The following MUC12 variants were observed in gnomAD, a reference collection of about 807,000 sequenced individuals.
MUC12 encodes the protein mucin-12.
Under a neutral mutation model 230.8 loss-of-function variants are expected in MUC12, and 172 were observed. That is an observed-to-expected ratio of 0.75 (90% CI 0.66 to 0.85). MUC12 has a LOEUF of 0.85. MUC12 is among the 40% of genes least tolerant of loss of function. The probability of loss-of-function intolerance (pLI) is 0.00; values close to 1 mark genes in which losing one functional copy is unlikely to be tolerated. For synonymous variants in MUC12, 1,259 were observed against 2,401.9 expected, an observed-to-expected ratio of 0.52 and a Z score of 13.91; for missense variants, 3,506 against 5,920.6, an observed-to-expected ratio of 0.59 and a Z score of 13.38.
Position 101,003,384 on chromosome 7 carries a change from C to A in MUC12, c.12821C>A (p.Thr4274Asn), listed in dbSNP as rs766656217. 6.6e-7 allele frequency: 1 copy of A among 1,524,296 alleles called. No homozygotes were observed. The highest frequency in any genetic ancestry group is 1.7e-4 in the Middle Eastern group (1 of 5,968). The allele number at this position is 1,524,296 out of a possible 1,614,324, so 94.4% of individuals were successfully genotyped here. The change falls in exon 2 of 12, where the codon ACC (threonine) becomes AAC (asparagine). Residue 4274 changes from threonine to asparagine, a missense_variant. By Grantham distance (65) the Thr-to-Asn change is moderately conservative. Transcript: ENST00000536621. ...TASSLGPEST[T>N]FHSSPGSTET... ...TCATCCCTTGGTCCAGAATCTACTA[C>A]CTTCCACAGCAGCCCAGGCTCCACT... is the stretch of plus-strand genomic sequence containing the variant.
intron 1 of MUC12, chr7:100,981,631 G>A: frequency 2.4e-6 from 1 of 422,574 alleles, no homozygotes; most frequent in Non-Finnish European, 4.2e-6. Flanking sequence ...AACTGTTGTG[G>A]AGATGTGAGT....
intron 1 of MUC12, among the ~76,000 whole-genome samples, chr7:100,974,265 A>G (rs902825076): frequency 5.3e-5 from 8 of 152,302 alleles, no homozygotes; most frequent in African/African-American, 1.9e-4. Flanking sequence ...TTGTCTTCAA[A>G]TATTTCTCCT....
intron 11 of MUC12, 74 bp from the exon 12 acceptor site, chr7:101,018,521 C>A (rs1793994283): frequency 1.4e-6 from 2 of 1,395,356 alleles, no homozygotes; most frequent in Admixed American, 2.1e-5. Flanking sequence ...CCCGCCAGGG[C>A]TCCCTCTTCC....
intron 1 of MUC12, among the ~76,000 whole-genome samples, chr7:100,974,088 G>A (rs1316679926): frequency 6.6e-6 from 1 of 151,876 alleles, no homozygotes; most frequent in Non-Finnish European, 1.5e-5. Context: ...ATTCGAGACT[G>A]CAGTGAGCTG....
intron 8 of MUC12, 22 bp from the exon 9 acceptor site, chr7:101,013,891 G>A (rs147926866): frequency 2.6e-5 from 40 of 1,526,604 alleles, no homozygotes; most frequent in South Asian, 6.1e-5. Context: ...GGGGATCAGC[G>A]TGAGCTTGTC....
intron 1 of MUC12, among the ~76,000 whole-genome samples, chr7:100,989,547 A>T (rs528249220): frequency 6.6e-6 from 1 of 152,298 alleles, no homozygotes; most frequent in South Asian, 2.1e-4. Context: ...CTTCTGCTGG[A>T]ATTGATGCCT....
At chr7:101,017,216 T>G (rs1224537126) in intron 10 of MUC12, 1 of 203,952 alleles carries the variant, frequency 4.9e-6, no homozygotes, top group Non-Finnish European at 9.8e-6. Context: ...TGGTTACCGT[T>G]GCTATGAAGG....
Position 100,990,991 on chromosome 7 carries a change from G to A in MUC12, c.428G>A (p.Ser143Asn), listed in dbSNP as rs919409669. 6 of 1,537,708 alleles carry A rather than the reference G, an allele frequency of 3.9e-6. No individual in the cohort carries two copies. Among genetic ancestry groups the A allele is most frequent in the Admixed American group, 3.9e-5 (2 of 50,974 alleles). Residue 143 changes from serine (S) to asparagine (N), a missense_variant, in exon 2 of 12, where the codon AGC becomes AAC. By Grantham distance (46) the Ser-to-Asn change is conservative. Coordinates refer to ENST00000536621, the MANE Select transcript of MUC12 (RefSeq NM_001164462.2). Reference sequence around the variant, plus strand: ...GAGAAATCTACCACCTTCTACAGTAGCCCCAGATCACCAGACAGAACACTC... The same window carrying A: ...GAGAAATCTACCACCTTCTACAGTAACCCCAGATCACCAGACAGAACACTC... ...LSEKSTTFYS[S>N]PRSPDRTLSP...
In MUC12 at chr7:100,991,345, C is replaced by G; in HGVS notation, c.782C>G (p.Thr261Arg). ...CACAGCAGCACTGGATCGCCACACA[C>G]AACACTGTCCCCTTCCAGCTCTACA... ...PVHSSTGSPH[T>R]TLSPSSSTTH... The change falls in exon 2 of 12, where the codon ACA becomes AGA. Residue 261 changes from threonine (T) to arginine (R), a missense_variant. Physicochemically the swap from Thr to Arg is moderately conservative, Grantham distance 71. Coordinates refer to ENST00000536621, the MANE Select transcript of MUC12 (RefSeq NM_001164462.2). 2 of 1,537,860 alleles carry G rather than the reference C, an allele frequency of 1.3e-6. No individual in the cohort carries two copies. Among genetic ancestry groups the G allele is most frequent in the Non-Finnish European group, 1.7e-6 (2 of 1,147,048 alleles).
intron 1 of MUC12, among the ~76,000 whole-genome samples, chr7:100,987,509 G>C (rs1243131224): frequency 6.6e-6 from 1 of 152,196 alleles, no homozygotes; most frequent in African/African-American, 2.4e-5. Context: ...GCTAGCCTTT[G>C]AATATTTGTC....
intron 1 of MUC12, among the ~76,000 whole-genome samples, chr7:100,975,663 C>A (rs1793017325): frequency 6.6e-6 from 1 of 152,312 alleles, no homozygotes; most frequent in Non-Finnish European, 1.5e-5. Context: ...CGAGAGGGGG[C>A]CTCCGGGGCC....
chr7:101,008,302 T>C (rs1793788397), intron 3 of MUC12, among the ~76,000 whole-genome samples: 1 of 151,930 alleles, frequency 6.6e-6, no homozygotes, highest in East Asian at 1.9e-4. Flanking sequence ...AATTTTTTTA[T>C]TTTCGTGGAG....
intron 1 of MUC12, among the ~76,000 whole-genome samples, chr7:100,987,028 A>G (rs1322648393): frequency 6.6e-6 from 1 of 150,432 alleles, no homozygotes; most frequent in Non-Finnish European, 1.5e-5. Context: ...GAGAAAATAC[A>G]GTAGCCCCTC....
Position 100,995,941 on chromosome 7 carries a change from G to C in MUC12, c.5378G>C (p.Arg1793Pro). ...CCTGAAAGCTCCACAGCTTCAGGTC[G>C]TAGTGAAGAATCAAGAACTTCCCAC... ...HFPESSTASG[R>P]SEESRTSHSS... The change falls in exon 2 of 12, where the codon CGT (arginine) becomes CCT (proline). Residue 1793 changes from arginine to proline, a missense_variant. Transcript: ENST00000536621. The C allele has an allele frequency of 9.8e-7, 1 of 1,016,220 alleles. No individual in the cohort carries two copies. The highest frequency in any genetic ancestry group is 1.4e-6 in the Non-Finnish European group (1 of 717,536). The allele number at this position is 1,016,220 out of a possible 1,614,324, so 63.0% of individuals were successfully genotyped here. A position where few individuals can be genotyped will look rare whatever the true frequency, so the allele number is the denominator to read the frequency against.
At chr7:100,980,043 G>A (rs1049193136) in intron 1 of MUC12, among the ~76,000 whole-genome samples, 7 of 147,736 alleles carry the variant, frequency 4.7e-5, no homozygotes, top group South Asian at 2.1e-4. Context: ...TTTTTTTTTC[G>A]TTGTTGTTGT....
chr7:101,009,248 T>C (rs1189740133), intron 5 of MUC12, 89 bp downstream of exon 5: 1 of 1,330,900 alleles, frequency 7.5e-7, no homozygotes, highest in Non-Finnish European at 1.0e-6. Flanking sequence ...ATGGCTAGAA[T>C]ATCAATACTG....
intron 5 of MUC12, among the ~76,000 whole-genome samples, 175 bp from the exon 6 acceptor site, chr7:101,012,121 G>A (rs1477595540): frequency 6.6e-6 from 1 of 152,006 alleles, no homozygotes; most frequent in Non-Finnish European, 1.5e-5. Context: ...ATCTTGAATC[G>A]TTTCGCTCTC....
chr7:100,990,815 C>G lies in MUC12; in HGVS notation c.252C>G (p.Ser84=). Residue 84 remains serine, a synonymous_variant, in exon 2 of 12, where the codon TCC becomes TCG. Coordinates refer to ENST00000536621, the MANE Select transcript of MUC12 (RefSeq NM_001164462.2). ...NSGHSEESTV[S]HSGPGATGTT... ...GCCACAGTGAGGAATCAACAGTATC[C>G]CACAGCGGCCCAGGTGCAACTGGAA... is the stretch of plus-strand genomic sequence containing the variant. 1 of 1,537,778 alleles carries G rather than the reference C, an allele frequency of 6.5e-7. No homozygotes were observed. Among genetic ancestry groups the G allele is most frequent in the South Asian group, 1.2e-5 (1 of 84,062 alleles).
intron 9 of MUC12, 23 bp downstream of exon 9, chr7:101,014,097 G>T: frequency 6.6e-7 from 1 of 1,513,622 alleles, no homozygotes; most frequent in Non-Finnish European, 8.8e-7. Flanking sequence ...GGCCAGCACC[G>T]CAGGCCCACA....
Sources: allele counts gnomAD v4.1 joint callset (sites outside exome capture counted in the v4.1 genomes callset), GRCh38; gene constraint gnomAD v4.1.1; transcripts MANE v1.5; gene names NCBI Gene and HGNC (gene_info 2026-07-23, HGNC 2026-07-21).